C10orf67: variants seen among roughly 807,000 people sequenced by gnomAD.
C10orf67 encodes uncharacterized protein C10orf67, mitochondrial.
C10orf67 carries 60 observed loss-of-function variants against 35.6 expected under a neutral mutation model. The ratio of observed to expected loss-of-function variants is 1.68; its 90% CI spans 1.37 to 2.09. The LOEUF (loss-of-function observed/expected upper bound fraction) is 2.09, where lower values mean the gene tolerates loss of function less well. C10orf67 is among the 30% of genes most tolerant of loss of function. The pLI, the probability that C10orf67 is intolerant of heterozygous loss-of-function variation, is 0.00. For missense variants in C10orf67, 474 were observed against 330.2 expected (o/e 1.44, Z -3.38); for synonymous variants, 167 against 115.8 (o/e 1.44, Z -2.84).
chr10:23,235,975 A>G lies in C10orf67; in HGVS notation c.1434+3754T>C, dbSNP rs1383314753. 3.3e-5 allele frequency among the ~76,000 whole-genome samples: 5 copies of G among 151,960 alleles called. No homozygotes were observed. The East Asian group carries it at 5.8e-4, about 18-fold the overall frequency. On this transcript the variant is annotated intron_variant, in intron 13 of 15. Coordinates refer to ENST00000636213, the MANE Select transcript of C10orf67 (RefSeq NM_001371909.1). ...CCAAAAATACAAAAATTGGCTGGGC[A>G]TGGTGGCTCAAGCCTGTAATCCCAG...
intron 4 of C10orf67, chr10:23,317,012 C>A: frequency 6.5e-6 from 1 of 152,680 alleles, no homozygotes; most frequent in East Asian, 1.9e-4. Context: ...GCTTCACCAG[C>A]GACACATCCC....
Position 23,212,311 on chromosome 10 carries a change from G to T in C10orf67, c.1571-8056C>A, listed in dbSNP as rs75412748. Reference sequence around the variant, plus strand: ...GAACTGTGAGAATATTAATTTCTGTGGTTGAAGCCACCTGGTTTGTGGTAG... The same window carrying T: ...GAACTGTGAGAATATTAATTTCTGTTGTTGAAGCCACCTGGTTTGTGGTAG... On this transcript the variant is annotated intron_variant, in intron 15 of 15. Transcript: ENST00000636213. 4.2e-3 allele frequency among the ~76,000 whole-genome samples: 642 copies of T among 152,272 alleles called. 1 individual carries two copies. Among genetic ancestry groups the T allele is most frequent in the African/African-American group, 0.014 (602 of 41,560 alleles).
chr10:23,309,303 C>A (rs761700932), intron 4 of C10orf67, among the ~76,000 whole-genome samples: 2 of 152,122 alleles, frequency 1.3e-5, no homozygotes, highest in Non-Finnish European at 2.9e-5. Context: ...AAACTAAATA[C>A]CACATGTTCT....
At chr10:23,234,398 T>C (rs1841987428) in intron 13 of C10orf67, among the ~76,000 whole-genome samples, 2 of 152,168 alleles carry the variant, frequency 1.3e-5, no homozygotes, top group South Asian at 2.1e-4. Flanking sequence ...CTGGAGGCCA[T>C]TATCCTTAGC....
At chr10:23,302,484 T>C (rs779958334) in intron 5 of C10orf67, among the ~76,000 whole-genome samples, 2 of 152,192 alleles carry the variant, frequency 1.3e-5, no homozygotes, top group Non-Finnish European at 2.9e-5. Flanking sequence ...ATGCCATCGA[T>C]GAAGTATCTG....
At chr10:23,341,148 G>A (rs1391446118) in intron 1 of C10orf67, among the ~76,000 whole-genome samples, 1 of 152,156 alleles carries the variant, frequency 6.6e-6, no homozygotes, top group Non-Finnish European at 1.5e-5. Context: ...CCTGGCTGAT[G>A]TCACCAAGGC....
chr10:23,318,782 T>G, intron 4 of C10orf67: 1 of 681,196 alleles, frequency 1.5e-6, no homozygotes, highest in African/African-American at 1.8e-5. Context: ...ATCTCATGAA[T>G]AAGAGGCCAG....
At chr10:23,222,099 G>A (rs1424398651) in intron 15 of C10orf67, among the ~76,000 whole-genome samples, 2 of 152,022 alleles carry the variant, frequency 1.3e-5, no homozygotes, top group African/African-American at 4.8e-5. Context: ...TATTAGTAAG[G>A]CAAAAAAGTG....
Position 23,271,177 on chromosome 10 carries a change from G to T in C10orf67, c.976-3923C>A, listed in dbSNP as rs117669980. ...AACGAAGATCAAAAAAGACAATGAA[G>T]GGCACTACATAATGGTAAAAGGTTC... On this transcript the variant is annotated intron_variant, in intron 8 of 15. Transcript: ENST00000636213. Among the ~76,000 whole-genome samples the T allele has an allele frequency of 3.0e-3, 457 of 152,232 alleles. 13 individuals carry two copies. The East Asian group carries it at 0.049, about 16-fold the overall frequency.
chr10:23,335,837 T>A (rs2132403263), intron 1 of C10orf67, among the ~76,000 whole-genome samples: 1 of 152,296 alleles, frequency 6.6e-6, no homozygotes, highest in African/African-American at 2.4e-5. Flanking sequence ...ACATATCTAC[T>A]AGTTAAATGT....
Position 23,289,946 on chromosome 10 carries a change from A to C in C10orf67, c.863T>G (p.Ile288Arg). 2 of 717,076 alleles carry C rather than the reference A, an allele frequency of 2.8e-6. No homozygotes were observed. Among genetic ancestry groups the C allele is most frequent in the East Asian group, 5.4e-5 (2 of 37,296 alleles). 44.4% of individuals were successfully genotyped at this position (717,076 alleles called of 1,614,324 possible). Residue 288 changes from isoleucine to arginine, a missense_variant, in exon 7 of 16, where the codon ATA (isoleucine) becomes AGA (arginine). Transcript: ENST00000636213. ...CTTTTCTGCCATCTCTTTCATACTT[A>C]TAAGTTCATCTTCTGTAAACAAAAG... is the stretch of plus-strand genomic sequence containing the variant. ...KENSGLEDEL[I>R]SMKEMAEKDH...
chr10:23,223,572 T>A (rs1373226114), intron 15 of C10orf67, 26 bp downstream of exon 15: 1 of 717,094 alleles, frequency 1.4e-6, no homozygotes, highest in Admixed American at 2.0e-5. Context: ...GGTGTGAACC[T>A]CATTTCCAAC....
intron 15 of C10orf67, among the ~76,000 whole-genome samples, chr10:23,205,096 C>T (rs1371294720): frequency 6.6e-6 from 1 of 152,224 alleles, no homozygotes; most frequent in Admixed American, 6.5e-5. Context: ...AAAAACGTGA[C>T]AACCTCGGCT....
intron 2 of C10orf67, among the ~76,000 whole-genome samples, chr10:23,326,695 T>C (rs560587089): frequency 6.6e-6 from 1 of 152,146 alleles, no homozygotes; most frequent in Non-Finnish European, 1.5e-5. Flanking sequence ...CGTATGATAC[T>C]CAGCATAAAA....
At chr10:23,317,668 A>G (rs1398099437) in intron 4 of C10orf67, 2 of 152,230 alleles carry the variant, frequency 1.3e-5, no homozygotes, top group African/African-American at 2.4e-5. Context: ...CAAAGAGTCT[A>G]TAGAAAACTT....
intron 5 of C10orf67, among the ~76,000 whole-genome samples, chr10:23,294,787 T>A (rs891958766): frequency 1.3e-5 from 2 of 152,204 alleles, no homozygotes; most frequent in Admixed American, 6.5e-5. Context: ...CCAAATCCCG[T>A]GTTCCCAATC....
chr10:23,207,251 TCCA>T lies in C10orf67; in HGVS notation c.1571-2999_1571-2997del, dbSNP rs1318946421. Among the ~76,000 whole-genome samples the T allele has an allele frequency of 1.2e-3, 187 of 152,198 alleles. 1 individual carries two copies. The highest frequency in any genetic ancestry group is 4.1e-3 in the African/African-American group (171 of 41,526). ...AAAAATCCCAGTGGACTTATTAATG[TCCA>T]CACAATTTAATTACTGTGAACTTCC... On this transcript the variant is annotated intron_variant, in intron 15 of 15. Coordinates refer to ENST00000636213, the MANE Select transcript of C10orf67 (RefSeq NM_001371909.1).
At chr10:23,202,380 T>C (rs942100394), downstream of C10orf67, 6 of 152,218 alleles carry the variant, frequency 3.9e-5, no homozygotes, top group African/African-American at 1.4e-4. Context: ...AGACAAACTA[T>C]GAAACCGGCC....
At chr10:23,339,402 CAAAAAAA>C (rs34805547) in intron 1 of C10orf67, among the ~76,000 whole-genome samples, 2 of 72,326 alleles carry the variant, frequency 2.8e-5, no homozygotes, top group Admixed American at 1.7e-4. Context: ...AAAAAGGCAG[CAAAAAAA>C]AAAAAAAAAA....
Sources: gnomAD v4.1 joint callset for allele counts (sites outside exome capture counted in the v4.1 genomes callset) on GRCh38, gnomAD v4.1.1 for gene constraint, MANE v1.5 for transcripts, NCBI Gene and HGNC (gene_info 2026-07-23, HGNC 2026-07-21) for gene names.